FAM78B: variants seen among roughly 807,000 people sequenced by gnomAD.
The protein encoded by FAM78B is protein FAM78B.
FAM78B carries 10 observed loss-of-function variants against 20.0 expected under a neutral mutation model. The observed-to-expected ratio is 0.50, with a 90% CI of 0.31 to 0.85. The LOEUF (loss-of-function observed/expected upper bound fraction) is 0.85, where lower values mean the gene tolerates loss of function less well. Ranked by LOEUF, FAM78B falls within the 40% of genes least tolerant of loss-of-function variation. The pLI is 0.05. For missense variants in FAM78B, 283 were observed against 345.0 expected, an observed-to-expected ratio of 0.82 and a Z score of 1.42; for synonymous variants, 135 against 132.8, an observed-to-expected ratio of 1.02 and a Z score of -0.12.
intron 1 of FAM78B, among the ~76,000 whole-genome samples, chr1:166,079,129 T>G (rs534928797): frequency 1.3e-5 from 2 of 152,110 alleles, no homozygotes; most frequent in African/African-American, 2.4e-5. Context: ...GATGGAGTCT[T>G]GCTATGTTAC....
chr1:166,126,515 A>T (rs1381307827), intron 1 of FAM78B, among the ~76,000 whole-genome samples: 1 of 152,096 alleles, frequency 6.6e-6, no homozygotes, highest in African/African-American at 2.4e-5. Flanking sequence ...ACGATAACTG[A>T]GCAAAAATTT....
intron 1 of FAM78B, among the ~76,000 whole-genome samples, chr1:166,104,311 T>G (rs1653672993): frequency 6.6e-6 from 1 of 152,134 alleles, no homozygotes; most frequent in African/African-American, 2.4e-5. Context: ...GGATGCCCTC[T>G]CTCACCAGTC....
intron 1 of FAM78B, among the ~76,000 whole-genome samples, chr1:166,149,516 T>A (rs1207149067): frequency 2.0e-5 from 3 of 152,214 alleles, no homozygotes; most frequent in Admixed American, 2.0e-4. Context: ...CAATTTGGAA[T>A]TGGATGGCAA....
chr1:166,165,755 C>T (rs1001334515), intron 1 of FAM78B, among the ~76,000 whole-genome samples: 1 of 152,136 alleles, frequency 6.6e-6, no homozygotes, highest in Non-Finnish European at 1.5e-5. Context: ...CCTCGCGTTT[C>T]TGGGAAGTCA....
intron 1 of FAM78B, among the ~76,000 whole-genome samples, chr1:166,124,101 T>G (rs532185699): frequency 1.3e-5 from 2 of 152,308 alleles, no homozygotes; most frequent in East Asian, 1.9e-4. Context: ...GCTGCCACCA[T>G]AGCAAAACCA....
chr1:166,138,720 C>T (rs1655166940), intron 1 of FAM78B, among the ~76,000 whole-genome samples: 1 of 152,194 alleles, frequency 6.6e-6, no homozygotes, highest in African/African-American at 2.4e-5. Context: ...GTCCAAGAAG[C>T]TCCTCTCCAT....
In FAM78B at chr1:166,158,231, G is replaced by C. The variant is rs1571213518; in HGVS notation, c.263+7755C>G. Reference sequence around the variant, plus strand: ...TCCCAACTACTCGGGAGGCTGAGGTGGGAGAATCACTTGGGCCCAGGGGAT... The same window carrying C: ...TCCCAACTACTCGGGAGGCTGAGGTCGGAGAATCACTTGGGCCCAGGGGAT... On this transcript the variant is annotated intron_variant, in intron 1 of 1. Coordinates refer to ENST00000354422, the MANE Select transcript of FAM78B (RefSeq NM_001017961.5). 3.3e-5 allele frequency among the ~76,000 whole-genome samples: 5 copies of C among 152,212 alleles called. No individual in the cohort carries two copies. The East Asian group carries it at 5.8e-4, about 18-fold the overall frequency.
chr1:166,123,028 G>T (rs903375435), intron 1 of FAM78B, among the ~76,000 whole-genome samples: 1 of 152,186 alleles, frequency 6.6e-6, no homozygotes, highest in Non-Finnish European at 1.5e-5. Context: ...TCTAAGAAAG[G>T]CAGGAAACTA....
intron 1 of FAM78B, among the ~76,000 whole-genome samples, chr1:166,106,534 A>G (rs1423609539): frequency 1.3e-5 from 2 of 152,170 alleles, no homozygotes; most frequent in Non-Finnish European, 2.9e-5. Context: ...AGCAACACAG[A>G]TGCAGCTGGA....
chr1:166,125,484 C>G (rs1232767726), intron 1 of FAM78B, among the ~76,000 whole-genome samples: 2 of 152,216 alleles, frequency 1.3e-5, no homozygotes, highest in African/African-American at 4.8e-5. Flanking sequence ...TACAACCTGA[C>G]AGCAAATTTA....
intron 1 of FAM78B, among the ~76,000 whole-genome samples, chr1:166,154,106 T>A (rs1377894324): frequency 3.3e-5 from 5 of 152,238 alleles, no homozygotes; most frequent in Admixed American, 2.6e-4. Flanking sequence ...CACAGAGGCC[T>A]CCCAGCTGAG....
chr1:166,064,390 C>G (rs12036550), downstream of FAM78B, among the ~76,000 whole-genome samples: 15 of 152,042 alleles, frequency 9.9e-5, no homozygotes, highest in African/African-American at 3.6e-4. Flanking sequence ...AGGAAAAATG[C>G]AGCTGTTCCT....
intron 1 of FAM78B, among the ~76,000 whole-genome samples, chr1:166,159,265 G>C (rs764157781): frequency 2.0e-5 from 3 of 152,060 alleles, no homozygotes; most frequent in Non-Finnish European, 4.4e-5. Context: ...CAGGACACAG[G>C]GTCAGAAGAC....
chr1:166,102,132 T>C (rs1653554036), intron 1 of FAM78B, among the ~76,000 whole-genome samples: 1 of 152,048 alleles, frequency 6.6e-6, no homozygotes, highest in Non-Finnish European at 1.5e-5. Context: ...AAAGGAGAAA[T>C]AAAATACTTT....
chr1:166,100,701 G>A (rs546721172), intron 1 of FAM78B, among the ~76,000 whole-genome samples: 4 of 152,334 alleles, frequency 2.6e-5, no homozygotes, highest in Non-Finnish European at 4.4e-5. Flanking sequence ...TGGAAAGCTC[G>A]AACTGGGTGA....
chr1:166,156,626 T>A lies in FAM78B; in HGVS notation c.263+9360A>T, dbSNP rs920689402. Reference sequence around the variant, plus strand: ...TTATTGTGAGGTTAATTATGAGAGGTCCCCTTATAAAGAAAACAAAAATCA... The same window carrying A: ...TTATTGTGAGGTTAATTATGAGAGGACCCCTTATAAAGAAAACAAAAATCA... On this transcript the variant is annotated intron_variant, in intron 1 of 1. Coordinates refer to ENST00000354422, the MANE Select transcript of FAM78B (RefSeq NM_001017961.5). Among the ~76,000 whole-genome samples the A allele has an allele frequency of 2.2e-4, 33 of 152,038 alleles. 1 individual carries two copies. The highest frequency in any genetic ancestry group is 7.7e-4 in the African/African-American group (32 of 41,376).
intron 1 of FAM78B, among the ~76,000 whole-genome samples, chr1:166,150,352 GA>G: frequency 6.6e-6 from 1 of 152,286 alleles, no homozygotes; most frequent in East Asian, 1.9e-4. Flanking sequence ...AGCTTGCTTT[GA>G]AAGACAGTCA....
At chr1:166,077,657 TA>T (rs1652332152) in intron 1 of FAM78B, among the ~76,000 whole-genome samples, 2 of 127,488 alleles carry the variant, frequency 1.6e-5, no homozygotes, top group Non-Finnish European at 3.1e-5. Flanking sequence ...ATATAAATTA[TA>T]ATAAATACAT....
chr1:166,101,948 G>C (rs1441580279), intron 1 of FAM78B, among the ~76,000 whole-genome samples: 1 of 152,122 alleles, frequency 6.6e-6, no homozygotes, highest in Non-Finnish European at 1.5e-5. Flanking sequence ...AATGTTAAGG[G>C]CAGCCAGAGA....
Sources: gnomAD v4.1 joint callset for allele counts (sites outside exome capture counted in the v4.1 genomes callset) on GRCh38, gnomAD v4.1.1 for gene constraint, MANE v1.5 for transcripts, NCBI Gene and HGNC (gene_info 2026-07-23, HGNC 2026-07-21) for gene names.